The following HLCS variants were observed in gnomAD, a reference collection of about 807,000 sequenced individuals.
The protein encoded by HLCS is biotin--protein ligase.
A neutral mutation model predicts 75.0 loss-of-function variants in HLCS; 53 were observed. That is an observed-to-expected ratio of 0.71 (90% CI 0.57 to 0.89). The LOEUF is 0.89. Ranked by LOEUF, HLCS falls within the 40% of genes least tolerant of loss-of-function variation. The pLI, the probability that HLCS is intolerant of heterozygous loss-of-function variation, is 0.00. For missense variants in HLCS, 966 were observed against 1,074.0 expected (o/e 0.90, Z 1.41); for synonymous variants, 431 against 428.6 (o/e 1.01, Z -0.07).
Position 36,897,076 on chromosome 21 carries a change from T to C in HLCS, c.1676A>G (p.Glu559Gly). ...WLGKHVDSEG[E>G]IKSGQLSLRF... ...AAGAGAGAGCTGGCCGGATTTTATTTCTCCCTCGGAGTCCACATGTTTCCC... is the reference window on the plus strand; with the variant it reads ...AAGAGAGAGCTGGCCGGATTTTATTCCTCCCTCGGAGTCCACATGTTTCCC... Residue 559 changes from glutamate to glycine, a missense_variant, in exon 6 of 11, where the codon GAA becomes GGA. Physicochemically the swap from Glu to Gly is moderately conservative, Grantham distance 98. Transcript: ENST00000674895. The C allele has an allele frequency of 1.2e-6, 2 of 1,614,150 alleles. No individual in the cohort carries two copies. The highest frequency in any genetic ancestry group is 1.7e-6 in the Non-Finnish European group (2 of 1,180,026).
rs1165523870 is a variant in HLCS at position 36,749,568 on chromosome 21, G to A, written c.*4678C>T. Reference sequence around the variant, plus strand: ...CACAATTTGCAAATTTAGGACCGTGGGTCATGCAGCGAAGGGGCTGGATGG... The same window carrying A: ...CACAATTTGCAAATTTAGGACCGTGAGTCATGCAGCGAAGGGGCTGGATGG... On this transcript the variant is annotated 3_prime_UTR_variant, in exon 11 of 11. Coordinates refer to ENST00000674895, the MANE Select transcript of HLCS (RefSeq NM_001352514.2). The A allele has an allele frequency of 6.6e-6, 1 of 151,996 alleles. No homozygotes were observed. Among genetic ancestry groups the A allele is most frequent in the African/African-American group, 2.4e-5 (1 of 41,340 alleles). 9.4% of individuals were successfully genotyped at this position (151,996 alleles called of 1,614,324 possible).
At chr21:36,819,254 G>T (rs1456908604) in intron 6 of HLCS, among the ~76,000 whole-genome samples, 1 of 152,200 alleles carries the variant, frequency 6.6e-6, no homozygotes, top group Non-Finnish European at 1.5e-5. Context: ...TGCAAAAGTT[G>T]ATCCTCAGTG....
At chr21:36,845,555 G>C (rs185788068) in intron 6 of HLCS, among the ~76,000 whole-genome samples, 121 of 152,252 alleles carry the variant, frequency 7.9e-4, no homozygotes, top group Non-Finnish European at 1.7e-3. Flanking sequence ...ATTCATGTCA[G>C]AGGCAGTAGC....
intron 1 of HLCS, among the ~76,000 whole-genome samples, chr21:36,980,054 A>AG (rs869204913): frequency 1.4e-4 from 19 of 138,414 alleles, no homozygotes; most frequent in African/African-American, 5.1e-4. Context: ...AAAAAAAAAA[A>AG]GGCTGGGTGT....
intron 5 of HLCS, among the ~76,000 whole-genome samples, chr21:36,919,439 T>C (rs2066067089): frequency 6.6e-6 from 1 of 152,238 alleles, no homozygotes; most frequent in Admixed American, 6.5e-5. Flanking sequence ...TGTTATGTCC[T>C]GAGTTGAACG....
intron 6 of HLCS, among the ~76,000 whole-genome samples, chr21:36,775,484 G>A (rs1156510596): frequency 6.6e-6 from 1 of 152,224 alleles, no homozygotes; most frequent in African/African-American, 2.4e-5. Context: ...AGCTTGCATA[G>A]AGAGAAATAT....
intron 6 of HLCS, among the ~76,000 whole-genome samples, chr21:36,811,115 T>C (rs115365248): frequency 0.012 from 1,830 of 152,306 alleles, 29 homozygotes; most frequent in African/African-American, 0.041. Context: ...AATTACTAAA[T>C]CTAGCTAATT....
At position 36,827,860 on chromosome 21, in the gene HLCS, C is replaced by CT. The variant is rs562302168; in HGVS notation, c.1893-60576dup. 1.3e-4 allele frequency among the ~76,000 whole-genome samples: 20 copies of CT among 148,154 alleles called. 1 individual carries two copies. In the East Asian group the frequency reaches 3.6e-3, roughly 27 times the overall value. Reference sequence around the variant, plus strand: ...ACAGAGTCTCACTGGGTCATCCAGGCTGGAGTGCAGTGGCGTGATCTTGGC... The same window carrying CT: ...ACAGAGTCTCACTGGGTCATCCAGGCTTGGAGTGCAGTGGCGTGATCTTGGC... On this transcript the variant is annotated intron_variant, in intron 6 of 10. Coordinates refer to ENST00000674895, the MANE Select transcript of HLCS (RefSeq NM_001352514.2).
At chr21:36,860,427 G>T (rs1314914699) in intron 6 of HLCS, among the ~76,000 whole-genome samples, 3 of 152,112 alleles carry the variant, frequency 2.0e-5, no homozygotes, top group Non-Finnish European at 4.4e-5. Context: ...AAGTGGCCAG[G>T]ACTGGTCAGA....
chr21:36,954,116 G>C (rs1038769876), intron 2 of HLCS, among the ~76,000 whole-genome samples: 1 of 152,042 alleles, frequency 6.6e-6, no homozygotes, highest in Non-Finnish European at 1.5e-5. Flanking sequence ...GACCATCCTA[G>C]GCAACATGGT....
At chr21:36,761,735 G>A (rs941410820) in intron 8 of HLCS, among the ~76,000 whole-genome samples, 4 of 152,180 alleles carry the variant, frequency 2.6e-5, no homozygotes, top group African/African-American at 9.7e-5. Flanking sequence ...CTGTGTCTAG[G>A]AGGCTCTGCT....
At chr21:36,888,440 AAAAAAATATATATATATAT>A (rs1236787195) in intron 6 of HLCS, among the ~76,000 whole-genome samples, 9 of 30,542 alleles carry the variant, frequency 2.9e-4, no homozygotes, top group South Asian at 1.5e-3. Flanking sequence ...TTTAAAAAAA[AAAAAAATATATATATATAT>A]ATATATATAT....
intron 2 of HLCS, among the ~76,000 whole-genome samples, chr21:36,960,605 C>T (rs2068240959): frequency 6.6e-6 from 1 of 152,216 alleles, no homozygotes; most frequent in Non-Finnish European, 1.5e-5. Context: ...ACCCTGAATT[C>T]CAGTCAATTA....
intron 1 of HLCS, among the ~76,000 whole-genome samples, chr21:36,986,345 A>C (rs1346875769): frequency 6.6e-6 from 1 of 152,204 alleles, no homozygotes; most frequent in Non-Finnish European, 1.5e-5. Flanking sequence ...CGGAAGCATA[A>C]AACAGACCAA....
At chr21:36,858,782 C>T (rs1295833338) in intron 6 of HLCS, among the ~76,000 whole-genome samples, 2 of 152,150 alleles carry the variant, frequency 1.3e-5, no homozygotes, top group African/African-American at 2.4e-5. Context: ...TGCAGCTGTG[C>T]GGGGCAAGTG....
At chr21:36,906,951 C>T (rs2065484583) in intron 5 of HLCS, among the ~76,000 whole-genome samples, 1 of 152,018 alleles carries the variant, frequency 6.6e-6, no homozygotes, top group South Asian at 2.1e-4. Flanking sequence ...GCGCTACCAC[C>T]CAGTGGGGAG....
At position 36,947,791 on chromosome 21, in the gene HLCS, G is replaced by C. The variant is rs1271840879; in HGVS notation, c.331-8797C>G. ...CTAGCACAGGTGGCCCTGCCCAACA[G>C]GGGGCATTGGCAGGCAGCAGCTCTG... is the stretch of plus-strand genomic sequence containing the variant. On this transcript the variant is annotated intron_variant, in intron 2 of 10. Coordinates refer to ENST00000674895, the MANE Select transcript of HLCS (RefSeq NM_001352514.2). The C allele has an allele frequency of 8.1e-6, 8 of 985,380 alleles. No homozygotes were observed. The East Asian group carries it at 6.8e-4, about 84-fold the overall frequency. The allele number at this position is 985,380 out of a possible 1,614,324, so 61.0% of individuals were successfully genotyped here.
intron 6 of HLCS, among the ~76,000 whole-genome samples, chr21:36,877,458 T>C (rs2064029999): frequency 6.6e-6 from 1 of 152,158 alleles, no homozygotes; most frequent in Non-Finnish European, 1.5e-5. Context: ...TTACCTTTTA[T>C]ATCAACTTAG....
At chr21:36,924,153 G>A (rs927040693) in intron 5 of HLCS, among the ~76,000 whole-genome samples, 5 of 152,136 alleles carry the variant, frequency 3.3e-5, no homozygotes, top group Non-Finnish European at 5.9e-5. Flanking sequence ...ATACATTCGA[G>A]ACTCAGAACT....
Sources: allele counts gnomAD v4.1 joint callset (sites outside exome capture counted in the v4.1 genomes callset), GRCh38; gene constraint gnomAD v4.1.1; transcripts MANE v1.5; gene names NCBI Gene and HGNC (gene_info 2026-07-23, HGNC 2026-07-21).